ZNF160: variants seen among roughly 807,000 people sequenced by gnomAD.
ZNF160 encodes the protein KRAB zinc finger protein KR18.
ZNF160 carries 9 observed loss-of-function variants against 13.1 expected under a neutral mutation model. The observed-to-expected ratio is 0.69, with a 90% CI of 0.41 to 1.20. The LOEUF (loss-of-function observed/expected upper bound fraction) is 1.20. ZNF160 is among the 50% of genes most tolerant of loss of function. The pLI is 0.01. For missense variants in ZNF160, 838 were observed against 988.0 expected (o/e 0.85, Z 2.04); for synonymous variants, 293 against 333.2 (o/e 0.88, Z 1.31).
At chr19:53,079,714 G>C (rs1449607011) in intron 3 of ZNF160, among the ~76,000 whole-genome samples, 2 of 147,506 alleles carry the variant, frequency 1.4e-5, no homozygotes, top group Non-Finnish European at 3.0e-5. Context: ...TGCATCAACA[G>C]ATGCTACCAA....
chr19:53,094,423 G>A (rs1198477305), intron 1 of ZNF160, among the ~76,000 whole-genome samples: 3 of 152,190 alleles, frequency 2.0e-5, no homozygotes, highest in African/African-American at 4.8e-5. Context: ...ATCAGGTCCC[G>A]GATTAATTAA....
intron 3 of ZNF160, among the ~76,000 whole-genome samples, chr19:53,079,084 C>A (rs2084520360): frequency 6.6e-6 from 1 of 152,102 alleles, no homozygotes; most frequent in Non-Finnish European, 1.5e-5. Context: ...AAGACATTAA[C>A]AGGATTATAG....
chr19:53,072,996 G>GA lies in ZNF160; in HGVS notation c.271+1143_271+1144insT, dbSNP rs551043070. ...CAAATTATAGTTATATATATTTACA[G>GA]GAAACAAACTGATATTCTGTTATAG... On this transcript the variant is annotated intron_variant, in intron 5 of 5. Coordinates refer to ENST00000683776, the MANE Select transcript of ZNF160 (RefSeq NM_001322131.2). 1.0e-3 allele frequency: 613 copies of GA among 600,994 alleles called. 1 individual carries two copies. Among genetic ancestry groups the GA allele is most frequent in the Middle Eastern group, 1.6e-3 (2 of 1,220 alleles). 37.2% of individuals were successfully genotyped at this position (600,994 alleles called of 1,614,324 possible).
chr19:53,068,795 A>C lies in ZNF160; in HGVS notation c.1739T>G (p.Leu580Arg). 6.2e-7 allele frequency: 1 copy of C among 1,612,816 alleles called. No homozygotes were observed. The highest frequency in any genetic ancestry group is 8.5e-7 in the Non-Finnish European group (1 of 1,178,906). Reference protein sequence around the residue: ...CGKVFAQTSQLARHWRVHTGE... With the variant: ...CGKVFAQTSQRARHWRVHTGE... ...AGTATGAACTCTCCAATGCCTTGCA[A>C]GTTGTGATGTTTGAGCGAAGACTTT... The change falls in exon 6 of 6, where the codon CTT becomes CGT. Residue 580 changes from leucine to arginine, a missense_variant. By Grantham distance (102) the Leu-to-Arg change is moderately radical. Coordinates refer to ENST00000683776, the MANE Select transcript of ZNF160 (RefSeq NM_001322131.2).
intron 1 of ZNF160, among the ~76,000 whole-genome samples, chr19:53,102,787 A>G (rs1414903161): frequency 6.6e-6 from 1 of 152,084 alleles, no homozygotes; most frequent in East Asian, 1.9e-4. Flanking sequence ...CAGGGGGTGG[A>G]GCTGGGCAGG....
intron 4 of ZNF160, among the ~76,000 whole-genome samples, chr19:53,074,800 T>C (rs1400349561): frequency 6.6e-6 from 1 of 152,104 alleles, no homozygotes; most frequent in South Asian, 2.1e-4. Flanking sequence ...ACAGGAAATC[T>C]GACATTTCAA....
intron 3 of ZNF160, 99 bp downstream of exon 3, chr19:53,086,163 G>T: frequency 1.4e-6 from 2 of 1,407,088 alleles, no homozygotes; most frequent in Non-Finnish European, 2.0e-6. Flanking sequence ...TAGCAAACAT[G>T]TCAGGCAGGA....
At chr19:53,074,669 CAAAA>C (rs55829838) in intron 4 of ZNF160, among the ~76,000 whole-genome samples, 3 of 123,476 alleles carry the variant, frequency 2.4e-5, no homozygotes, top group Non-Finnish European at 3.3e-5. Context: ...GACTCCGCCT[CAAAA>C]AAAAAAAAAA....
Position 53,094,053 on chromosome 19 carries a change from A to G in ZNF160, c.-353-2333T>C, listed in dbSNP as rs576845204. On this transcript the variant is annotated intron_variant, in intron 1 of 5. Coordinates refer to ENST00000683776, the MANE Select transcript of ZNF160 (RefSeq NM_001322131.2). ...CCGATATCATACAAGGTAACACTCC[A>G]AACTATTTTATCTTCCAAAATGCAT... Among the ~76,000 whole-genome samples, 9 of 152,356 alleles carry G rather than the reference A, an allele frequency of 5.9e-5. No individual in the cohort carries two copies. The East Asian group carries it at 1.5e-3, about 26-fold the overall frequency.
intron 3 of ZNF160, among the ~76,000 whole-genome samples, chr19:53,082,857 A>G (rs1020369447): frequency 6.8e-6 from 1 of 145,994 alleles, no homozygotes; most frequent in Admixed American, 7.1e-5. Flanking sequence ...GGGCGCCAAC[A>G]GCAAGCCCCA....
chr19:53,102,831 G>A (rs1412987572), intron 1 of ZNF160, among the ~76,000 whole-genome samples: 1 of 152,186 alleles, frequency 6.6e-6, no homozygotes, highest in Admixed American at 6.5e-5. Context: ...CGGGCCCCGG[G>A]CACCTCCCCA....
intron 5 of ZNF160, among the ~76,000 whole-genome samples, chr19:53,071,539 C>CAAAA (rs56799856): frequency 3.4e-5 from 2 of 58,754 alleles, no homozygotes; most frequent in Non-Finnish European, 3.2e-5. Context: ...TCCGTCTCAT[C>CAAAA]AAAAAAAAAA....
Position 53,069,173 on chromosome 19 carries a change from T to C in ZNF160, c.1361A>G (p.Lys454Arg). 2 of 1,614,180 alleles carry C rather than the reference T, an allele frequency of 1.2e-6. No individual in the cohort carries two copies. Among genetic ancestry groups the C allele is most frequent in the South Asian group, 2.2e-5 (2 of 91,078 alleles). Reference sequence around the variant, plus strand: ...GAAGGCTTTGCCACATTCATTACACTTGTAAGGTTTCTCACCAGTATGAAC... The same window carrying C: ...GAAGGCTTTGCCACATTCATTACACCTGTAAGGTTTCTCACCAGTATGAAC... ...RRVHTGEKPY[K>R]CNECGKAFSM... Residue 454 changes from lysine to arginine, a missense_variant, in exon 6 of 6, where the codon AAG becomes AGG. Coordinates refer to ENST00000683776, the MANE Select transcript of ZNF160 (RefSeq NM_001322131.2). This position sits in a 1 kb window ranked among gnomAD's most constrained non-coding sequence, Gnocchi z 4.4.
At chr19:53,098,358 G>A (rs1451591903) in intron 1 of ZNF160, among the ~76,000 whole-genome samples, 2 of 152,182 alleles carry the variant, frequency 1.3e-5, no homozygotes, top group Non-Finnish European at 2.9e-5. Context: ...AGCCTGAGAA[G>A]CACACTGGAT....
Position 53,068,881 on chromosome 19 carries a change from G to C in ZNF160, c.1653C>G (p.His551Gln), listed in dbSNP as rs780768677. Residue 551 changes from histidine to glutamine, a missense_variant, in exon 6 of 6, where the codon CAC becomes CAG. His to Gln is a conservative substitution (Grantham distance 24). Transcript: ENST00000683776. Reference protein sequence around the residue: ...ECGKSFTQKSHLRSHRGIHSG... With the variant: ...ECGKSFTQKSQLRSHRGIHSG... Reference sequence around the variant, plus strand: ...AATGAATTCCCCGATGACTTCTAAGGTGTGATTTTTGAGTGAAGCTCTTGC... The same window carrying C: ...AATGAATTCCCCGATGACTTCTAAGCTGTGATTTTTGAGTGAAGCTCTTGC... 9 of 1,613,844 alleles carry C rather than the reference G, an allele frequency of 5.6e-6. No individual in the cohort carries two copies. Among genetic ancestry groups the C allele is most frequent in the Non-Finnish European group, 5.9e-6 (7 of 1,180,002 alleles).
intron 3 of ZNF160, 120 bp from the exon 4 acceptor site, chr19:53,075,303 C>G: frequency 7.7e-7 from 1 of 1,296,118 alleles, no homozygotes; most frequent in Non-Finnish European, 1.1e-6. Flanking sequence ...CTGACAGATC[C>G]AGATTGTGAC....
At chr19:53,099,441 C>G (rs1282183854) in intron 1 of ZNF160, among the ~76,000 whole-genome samples, 1 of 152,166 alleles carries the variant, frequency 6.6e-6, no homozygotes, top group Non-Finnish European at 1.5e-5. Flanking sequence ...GCCCTGGACG[C>G]AGGGCTGTGG....
At chr19:53,073,503 A>G (rs2084262490) in intron 5 of ZNF160, 1 of 1,597,322 alleles carries the variant, frequency 6.3e-7, no homozygotes, top group Non-Finnish European at 8.5e-7. Context: ...CCATCTCCTG[A>G]GCAGGTCTTC....
At chr19:53,102,005 C>T (rs1174458513) in intron 1 of ZNF160, among the ~76,000 whole-genome samples, 1 of 152,160 alleles carries the variant, frequency 6.6e-6, no homozygotes, top group Admixed American at 6.5e-5. Context: ...TCCTCTCCCC[C>T]ATTTTGTGCC....
Sources: gnomAD v4.1 joint callset for allele counts (sites outside exome capture counted in the v4.1 genomes callset) on GRCh38, gnomAD v4.1.1 for gene constraint, Gnocchi (gnomAD v3.1) non-coding constraint, MANE v1.5 for transcripts, NCBI Gene and HGNC (gene_info 2026-07-23, HGNC 2026-07-21) for gene names.